Variants in ZFP28 observed in about 807,000 individuals in gnomAD.
ZFP28 encodes zinc finger protein 28 homolog.
In ZFP28, 31 loss-of-function variants were observed where a neutral mutation model predicts 39.5. The ratio of observed to expected loss-of-function variants is 0.79; its 90% CI spans 0.59 to 1.06. The LOEUF is 1.06. Ranked by LOEUF, ZFP28 falls within the 50% of genes least tolerant of loss-of-function variation. The pLI is 0.00. For missense variants in ZFP28, 925 were observed against 1,048.4 expected, an observed-to-expected ratio of 0.88 and a Z score of 1.63; for synonymous variants, 400 against 378.6, an observed-to-expected ratio of 1.06 and a Z score of -0.66.
chr19:56,554,257 T>C lies in ZFP28; in HGVS notation c.1472T>C (p.Leu491Pro). The C allele has an allele frequency of 6.2e-7, 1 of 1,614,196 alleles. No individual in the cohort carries two copies. Among genetic ancestry groups the C allele is most frequent in the African/African-American group, 1.3e-5 (1 of 75,054 alleles). Reference sequence around the variant, plus strand: ...AAAGCTTTCATACAGAACACATCCCTTATCCGTCACTGGAGATACTATCAT... The same window carrying C: ...AAAGCTTTCATACAGAACACATCCCCTATCCGTCACTGGAGATACTATCAT... The part of the protein sequence containing the change: ...CGKAFIQNTS[L>P]IRHWRYYHTG... The change falls in exon 8 of 8, where the codon CTT becomes CCT. Residue 491 changes from leucine (L) to proline (P), a missense_variant. By Grantham distance (98) the Leu-to-Pro change is moderately conservative. Around this residue, in one of 2 missense-constraint regions of ZFP28, gnomAD observed 369 missense variants for 505.5 expected, o/e 0.73. Coordinates refer to ENST00000301318, the MANE Select transcript of ZFP28 (RefSeq NM_020828.2). The surrounding 1 kb of genome is among the most constrained non-coding windows in gnomAD (Gnocchi z 6.7).
intron 2 of ZFP28, chr19:56,544,457 C>G (rs916743751): frequency 1.3e-5 from 2 of 152,276 alleles, no homozygotes; most frequent in African/African-American, 4.8e-5. Context: ...TTTTGTGCTA[C>G]AGTGGCAAAA....
chr19:56,551,935 T>C (rs2044307995), intron 7 of ZFP28: 1 of 979,520 alleles, frequency 1.0e-6, no homozygotes, highest in African/African-American at 1.8e-5. Context: ...AATAAGAGTT[T>C]TAATTTTAAT....
intron 2 of ZFP28, among the ~76,000 whole-genome samples, chr19:56,543,213 C>A (rs1487262780): frequency 1.3e-5 from 2 of 151,248 alleles, no homozygotes; most frequent in South Asian, 2.1e-4. Flanking sequence ...CATATTCATT[C>A]TTTTCTATGA....
rs756650522 is a variant in ZFP28, at chr19:56,547,676, C to T, written c.427+42C>T. The T allele has an allele frequency of 5.7e-6, 9 of 1,586,722 alleles. No homozygotes were observed. The highest frequency in any genetic ancestry group is 2.3e-5 in the South Asian group (2 of 86,190). ...CTTTTCCCACCCCTCACCCTACCCA[C>T]GTCCTGGACTAAGAAGCCTTTCATG... On this transcript the variant is annotated intron_variant, in intron 3 of 7. Transcript: ENST00000301318. The surrounding 1 kb of genome is among the most constrained non-coding windows in gnomAD (Gnocchi z 4.6).
intron 2 of ZFP28, among the ~76,000 whole-genome samples, chr19:56,543,708 A>G (rs2044216435): frequency 6.6e-6 from 1 of 152,354 alleles, no homozygotes; most frequent in South Asian, 2.1e-4. Context: ...TGTTGCAGCA[A>G]CAGGAATAAG....
chr19:56,550,657 C>G (rs778269540), intron 7 of ZFP28, 52 bp downstream of exon 7: 1 of 1,610,120 alleles, frequency 6.2e-7, no homozygotes, highest in Non-Finnish European at 8.5e-7. Flanking sequence ...GAGAGCGGAG[C>G]TTTTACCAAA....
At position 56,550,507 on chromosome 19, in the gene ZFP28, C is replaced by T. The variant is rs1456717418; in HGVS notation, c.803-3C>T. ...CAAACCTCATCTCTTTTCACTTTTT[C>T]AGGACATTGTGTGGCTAAGCCAGAT... On this transcript the variant is annotated splice_region_variant and splice_polypyrimidine_tract_variant and intron_variant, in intron 6 of 7. Transcript: ENST00000301318. 2 of 1,611,908 alleles carry T rather than the reference C, an allele frequency of 1.2e-6. No individual in the cohort carries two copies. The highest frequency in any genetic ancestry group is 2.7e-5 in the African/African-American group (2 of 74,734).
At chr19:56,552,075 G>A in intron 7 of ZFP28, 1 of 743,724 alleles carries the variant, frequency 1.3e-6, no homozygotes, top group African/African-American at 1.9e-5. Flanking sequence ...CATTTTTAAT[G>A]ACTATTTAGT....
intron 5 of ZFP28, 152 bp from the exon 6 acceptor site, chr19:56,549,915 C>G: frequency 1.7e-6 from 1 of 603,600 alleles, no homozygotes; most frequent in Admixed American, 2.9e-5. Flanking sequence ...TATAACTAAG[C>G]CCTGTCATTA....
chr19:56,546,842 A>G (rs1351494725), intron 2 of ZFP28: 1 of 152,510 alleles, frequency 6.6e-6, no homozygotes, highest in Non-Finnish European at 1.5e-5. Flanking sequence ...TATAGTTTTG[A>G]ATTGATGTCA....
At position 56,541,729 on chromosome 19, in the gene ZFP28, C is replaced by A. The variant is rs187010789; in HGVS notation, c.300+2013C>A. On this transcript the variant is annotated intron_variant, in intron 2 of 7. Coordinates refer to ENST00000301318, the MANE Select transcript of ZFP28 (RefSeq NM_020828.2). ...TCCCTCTTCCCTGCTTTGCTTTTTT[C>A]TTTTAGTACTTTTCTTTTGAGACAG... 6.0e-3 allele frequency among the ~76,000 whole-genome samples: 908 copies of A among 152,052 alleles called. 10 individuals are homozygous for A. The highest frequency in any genetic ancestry group is 0.02 in the African/African-American group (815 of 41,458).
At chr19:56,551,806 T>C in intron 7 of ZFP28, 1 of 984,320 alleles carries the variant, frequency 1.0e-6, no homozygotes, top group Non-Finnish European at 1.2e-6. Context: ...AAAATGTCTG[T>C]CATTTGTACC....
At position 56,554,691 on chromosome 19, in the gene ZFP28, C is replaced by T; in HGVS notation, c.1906C>T (p.Gln636Ter). The change falls in exon 8 of 8, where the codon CAG becomes TAG. Residue 636 changes from glutamine (Q) to a stop codon, truncating the protein, a stop_gained. Coordinates refer to ENST00000301318, the MANE Select transcript of ZFP28 (RefSeq NM_020828.2). LOFTEE classifies it low-confidence loss of function (END_TRUNC). This position sits in a 1 kb window ranked among gnomAD's most constrained non-coding sequence, Gnocchi z 6.7. ...CATCAGTTCTCAGCTTGCCACTCATCAGAGAATCCATACTGGAGAGAAGCC... is the reference window on the plus strand; with the variant it reads ...CATCAGTTCTCAGCTTGCCACTCATTAGAGAATCCATACTGGAGAGAAGCC... ...FSISSQLATH[Q>*]RIHTGEKPYE... is the part of the protein sequence containing the mutation. The T allele has an allele frequency of 4.3e-6, 7 of 1,614,156 alleles. No individual in the cohort carries two copies. Among genetic ancestry groups the T allele is most frequent in the Non-Finnish European group, 5.9e-6 (7 of 1,180,024 alleles).
intron 5 of ZFP28, 124 bp downstream of exon 5, chr19:56,549,245 T>C (rs930037544): frequency 2.7e-6 from 3 of 1,102,640 alleles, no homozygotes; most frequent in Middle Eastern, 3.1e-4. Context: ...ATGCTTCTTA[T>C]AGACAGATTA....
chr19:56,543,380 T>TTATA (rs143634480), intron 2 of ZFP28, among the ~76,000 whole-genome samples: 6,336 of 146,482 alleles, frequency 0.043, 448 homozygotes, highest in African/African-American at 0.15. Flanking sequence ...TATATGTATA[T>TTATA]TATATATATA....
At chr19:56,546,964 G>A (rs2044246776) in intron 2 of ZFP28, 1 of 152,068 alleles carries the variant, frequency 6.6e-6, no homozygotes, top group South Asian at 2.1e-4. Flanking sequence ...ACAGAATGAG[G>A]CTAGCTGTAC....
At chr19:56,550,428 C>A in intron 6 of ZFP28, 82 bp from the exon 7 acceptor site, 1 of 1,251,104 alleles carries the variant, frequency 8.0e-7, no homozygotes, top group South Asian at 1.4e-5. Context: ...AGCAGTAACA[C>A]TTTTCTATCA....
At chr19:56,552,594 T>A (rs2044313911) in intron 7 of ZFP28, 1 of 152,134 alleles carries the variant, frequency 6.6e-6, no homozygotes, top group Non-Finnish European at 1.5e-5. Context: ...TTTGATAAAA[T>A]TTTTCCCCAA....
chr19:56,552,598 T>C (rs1236469011), intron 7 of ZFP28: 1 of 152,138 alleles, frequency 6.6e-6, no homozygotes, highest in Non-Finnish European at 1.5e-5. Context: ...ATAAAATTTT[T>C]CCCCAATTTT....
Sources: allele counts gnomAD v4.1 joint callset (sites outside exome capture counted in the v4.1 genomes callset), GRCh38; gene constraint gnomAD v4.1.1; regional missense constraint gnomAD v4.1.1; non-coding constraint Gnocchi (gnomAD v3.1); transcripts MANE v1.5; gene names NCBI Gene and HGNC (gene_info 2026-07-23, HGNC 2026-07-21).